The following PLA2G4A variants were observed in gnomAD, a reference collection of about 807,000 sequenced individuals.
The protein encoded by PLA2G4A is phospholipase A2 group IVA.
In PLA2G4A, 40 loss-of-function variants were observed where a neutral mutation model predicts 81.9. That is an observed-to-expected ratio of 0.49 (90% CI 0.38 to 0.64). PLA2G4A has a LOEUF of 0.64. Ranked by LOEUF, PLA2G4A falls within the 30% of genes least tolerant of loss-of-function variation. The pLI is 0.00. For synonymous variants in PLA2G4A, 302 were observed against 296.9 expected (o/e 1.02, Z -0.18); for missense variants, 715 against 905.1 (o/e 0.79, Z 2.69).
intron 10 of PLA2G4A, among the ~76,000 whole-genome samples, chr1:186,943,888 G>A (rs951836093): frequency 6.6e-6 from 1 of 152,110 alleles, no homozygotes; most frequent in Admixed American, 6.6e-5. Flanking sequence ...TTTGTGCAGG[G>A]CAATAAAATT....
intron 6 of PLA2G4A, among the ~76,000 whole-genome samples, chr1:186,910,446 T>C (rs573109459): frequency 2.4e-4 from 36 of 152,138 alleles, no homozygotes; most frequent in Non-Finnish European, 4.6e-4. Context: ...ATGTCTTATA[T>C]GTTGCATGGT....
At chr1:186,832,389 G>A (rs1008013415) in intron 1 of PLA2G4A, among the ~76,000 whole-genome samples, 1 of 151,998 alleles carries the variant, frequency 6.6e-6, no homozygotes, top group Admixed American at 6.6e-5. Context: ...TTGTAAAATA[G>A]AAATAATAAT....
chr1:186,972,138 G>A (rs879396044), intron 15 of PLA2G4A, among the ~76,000 whole-genome samples: 1 of 152,138 alleles, frequency 6.6e-6, no homozygotes, highest in Admixed American at 6.6e-5. Context: ...GGCCTTGAAA[G>A]TTAATGACAT....
chr1:186,851,834 G>A (rs1440833862), intron 1 of PLA2G4A, among the ~76,000 whole-genome samples: 1 of 151,922 alleles, frequency 6.6e-6, no homozygotes, highest in Non-Finnish European at 1.5e-5. Flanking sequence ...CAGTATAATA[G>A]TAAATGGATA....
intron 2 of PLA2G4A, among the ~76,000 whole-genome samples, chr1:186,868,228 C>A (rs1653106379): frequency 1.3e-5 from 2 of 151,896 alleles, no homozygotes; most frequent in South Asian, 2.1e-4. Context: ...GCACACACCA[C>A]CATGCCCGGC....
intron 3 of PLA2G4A, among the ~76,000 whole-genome samples, chr1:186,880,201 A>T (rs932446299): frequency 2.0e-5 from 3 of 152,038 alleles, no homozygotes; most frequent in African/African-American, 7.2e-5. Context: ...AATGCTGCCA[A>T]TAAGAGAAGA....
intron 5 of PLA2G4A, among the ~76,000 whole-genome samples, chr1:186,898,429 A>G (rs1364312263): frequency 6.6e-6 from 1 of 152,234 alleles, no homozygotes; most frequent in African/African-American, 2.4e-5. Flanking sequence ...TCCAGACAGT[A>G]TTCTAGGTGA....
intron 13 of PLA2G4A, among the ~76,000 whole-genome samples, chr1:186,955,197 T>C (rs1232628443): frequency 2.0e-5 from 3 of 152,222 alleles, no homozygotes; most frequent in Non-Finnish European, 4.4e-5. Context: ...AATTTTAAAA[T>C]GTTTAGGCAT....
intron 7 of PLA2G4A, among the ~76,000 whole-genome samples, chr1:186,919,896 G>A (rs983957125): frequency 6.6e-6 from 1 of 152,132 alleles, no homozygotes; most frequent in African/African-American, 2.4e-5. Context: ...GAGGGGGGGT[G>A]TTCCATGGAG....
At chr1:186,842,069 G>A (rs1316545086) in intron 1 of PLA2G4A, among the ~76,000 whole-genome samples, 1 of 141,166 alleles carries the variant, frequency 7.1e-6, no homozygotes, top group Non-Finnish European at 1.5e-5. Flanking sequence ...TTGAGATGGA[G>A]TCTCTCTCTG....
At chr1:186,845,631 G>A (rs181608610) in intron 1 of PLA2G4A, among the ~76,000 whole-genome samples, 102 of 152,052 alleles carry the variant, frequency 6.7e-4, no homozygotes, top group African/African-American at 2.0e-3. Flanking sequence ...CCCTCTTCCC[G>A]CCACATGCCA....
chr1:186,834,555 G>T (rs1651711270), intron 1 of PLA2G4A, among the ~76,000 whole-genome samples: 1 of 152,000 alleles, frequency 6.6e-6, no homozygotes, highest in Admixed American at 6.6e-5. Flanking sequence ...CCACTCTCCT[G>T]GTGCGTGTTT....
At chr1:186,921,899 C>A (rs1040136583) in intron 7 of PLA2G4A, among the ~76,000 whole-genome samples, 1 of 152,104 alleles carries the variant, frequency 6.6e-6, no homozygotes, top group African/African-American at 2.4e-5. Context: ...TATGGGAACT[C>A]ATCTGGGTGC....
At chr1:186,889,561 C>G (rs570627132) in intron 3 of PLA2G4A, among the ~76,000 whole-genome samples, 1 of 152,298 alleles carries the variant, frequency 6.6e-6, no homozygotes, top group African/African-American at 2.4e-5. Flanking sequence ...TAAACATACA[C>G]ATGCATCTAA....
At chr1:186,846,091 T>G (rs556973951) in intron 1 of PLA2G4A, among the ~76,000 whole-genome samples, 1 of 152,312 alleles carries the variant, frequency 6.6e-6, no homozygotes, top group South Asian at 2.1e-4. Context: ...GCCAACTAGT[T>G]GCAGTAAGGT....
At chr1:186,866,583 T>C (rs1490920131) in intron 2 of PLA2G4A, among the ~76,000 whole-genome samples, 1 of 152,156 alleles carries the variant, frequency 6.6e-6, no homozygotes, top group Non-Finnish European at 1.5e-5. Context: ...ACAATCTTTT[T>C]GTACATGTTA....
intron 7 of PLA2G4A, among the ~76,000 whole-genome samples, chr1:186,932,033 T>A (rs572086818): frequency 3.9e-4 from 59 of 152,304 alleles, no homozygotes; most frequent in African/African-American, 1.4e-3. Context: ...AGCTGGTAGA[T>A]CTTACACAAG....
At chr1:186,851,284 T>TA (rs1180145862) in intron 1 of PLA2G4A, among the ~76,000 whole-genome samples, 2 of 151,962 alleles carry the variant, frequency 1.3e-5, no homozygotes, top group African/African-American at 4.8e-5. Flanking sequence ...TCTCAGGAAT[T>TA]ACCACTGCTG....
At chr1:186,930,212 C>T (rs1008305227) in intron 7 of PLA2G4A, among the ~76,000 whole-genome samples, 1 of 152,124 alleles carries the variant, frequency 6.6e-6, no homozygotes, top group African/African-American at 2.4e-5. Flanking sequence ...ATCTGCACAG[C>T]CAATTATTTG....
Sources: allele counts gnomAD v4.1 joint callset (sites outside exome capture counted in the v4.1 genomes callset), GRCh38; gene constraint gnomAD v4.1.1; transcripts MANE v1.5; gene names NCBI Gene and HGNC (gene_info 2026-07-23, HGNC 2026-07-21).